Variants in NXPH1 observed in about 807,000 individuals in gnomAD.
NXPH1 encodes neurexophilin-1.
NXPH1 carries 5 observed loss-of-function variants against 23.7 expected under a neutral mutation model. The ratio of observed to expected loss-of-function variants is 0.21; its 90% CI spans 0.11 to 0.44. The LOEUF (loss-of-function observed/expected upper bound fraction) is 0.44, where lower values mean the gene tolerates loss of function less well. Ranked by LOEUF, NXPH1 falls within the 20% of genes least tolerant of loss-of-function variation. The pLI, the probability that NXPH1 is intolerant of heterozygous loss-of-function variation, is 0.99. For synonymous variants in NXPH1, 144 were observed against 122.2 expected (o/e 1.18, Z -1.18); for missense variants, 324 against 321.6 (o/e 1.01, Z -0.06).
intron 2 of NXPH1, among the ~76,000 whole-genome samples, chr7:8,471,836 T>C (rs1816877412): frequency 6.6e-6 from 1 of 152,108 alleles, no homozygotes; most frequent in Non-Finnish European, 1.5e-5. Context: ...TTAAATTCTT[T>C]TCATTTAAAA....
chr7:8,730,536 G>T (rs1405554116), intron 2 of NXPH1, among the ~76,000 whole-genome samples: 4 of 151,682 alleles, frequency 2.6e-5, no homozygotes, highest in African/African-American at 9.7e-5. Context: ...GGCAGGCCTG[G>T]TGGTGACAAA....
chr7:8,700,850 A>G (rs779405551), intron 2 of NXPH1, among the ~76,000 whole-genome samples: 53 of 152,072 alleles, frequency 3.5e-4, no homozygotes, highest in Non-Finnish European at 6.2e-4. Flanking sequence ...TCTGGGCTCA[A>G]TCTAGTCCAC....
At chr7:8,667,317 G>A (rs1170207922) in intron 2 of NXPH1, among the ~76,000 whole-genome samples, 1 of 151,610 alleles carries the variant, frequency 6.6e-6, no homozygotes, top group East Asian at 1.9e-4. Context: ...TTTTTTTTCA[G>A]CTTGAAGAAC....
intron 2 of NXPH1, among the ~76,000 whole-genome samples, chr7:8,704,534 T>C (rs547935584): frequency 2.0e-5 from 3 of 152,302 alleles, no homozygotes; most frequent in East Asian, 1.9e-4. Context: ...GATAGCTTCC[T>C]GAATTCACTG....
At chr7:8,498,416 T>G (rs1817374627) in intron 2 of NXPH1, among the ~76,000 whole-genome samples, 1 of 152,084 alleles carries the variant, frequency 6.6e-6, no homozygotes, top group Non-Finnish European at 1.5e-5. Context: ...ACTTAATGAC[T>G]ACTGGTTTAT....
chr7:8,514,983 C>G (rs538735531), intron 2 of NXPH1, among the ~76,000 whole-genome samples: 4 of 152,178 alleles, frequency 2.6e-5, no homozygotes, highest in Admixed American at 6.6e-5. Flanking sequence ...TACTTAGTGC[C>G]TTTTCTCCCT....
intron 2 of NXPH1, among the ~76,000 whole-genome samples, chr7:8,659,697 G>A (rs569173184): frequency 1.3e-5 from 2 of 152,252 alleles, no homozygotes; most frequent in South Asian, 2.1e-4. Flanking sequence ...AAACCTGCAC[G>A]TTGTGCACAT....
intron 2 of NXPH1, among the ~76,000 whole-genome samples, chr7:8,478,959 T>C (rs1817027455): frequency 6.6e-6 from 1 of 152,096 alleles, no homozygotes; most frequent in Non-Finnish European, 1.5e-5. Context: ...AATAATGTTG[T>C]TCCCTTGAGA....
intron 2 of NXPH1, among the ~76,000 whole-genome samples, chr7:8,502,210 A>G (rs1817448655): frequency 6.6e-6 from 1 of 152,040 alleles, no homozygotes; most frequent in Admixed American, 6.6e-5. Context: ...TGTTGTGAGT[A>G]TACATTTTTT....
At chr7:8,655,679 A>G (rs1820570471) in intron 2 of NXPH1, among the ~76,000 whole-genome samples, 1 of 152,244 alleles carries the variant, frequency 6.6e-6, no homozygotes, top group East Asian at 1.9e-4. Flanking sequence ...CTGCCCTTGT[A>G]TGGAAATATC....
At chr7:8,468,661 C>T (rs1440627153) in intron 2 of NXPH1, among the ~76,000 whole-genome samples, 2 of 152,014 alleles carry the variant, frequency 1.3e-5, no homozygotes, top group African/African-American at 4.8e-5. Flanking sequence ...CAAGATAATA[C>T]TGGCTTTGGA....
chr7:8,623,910 A>T (rs1276572978), intron 2 of NXPH1, among the ~76,000 whole-genome samples: 1 of 152,070 alleles, frequency 6.6e-6, no homozygotes, highest in Admixed American at 6.6e-5. Flanking sequence ...CTAGATCCAG[A>T]TATGGATCTA....
At chr7:8,672,286 A>G (rs1245866791) in intron 2 of NXPH1, among the ~76,000 whole-genome samples, 1 of 152,074 alleles carries the variant, frequency 6.6e-6, no homozygotes, top group Admixed American at 6.6e-5. Context: ...ATGAGAACAC[A>G]TGGACACTGG....
intron 2 of NXPH1, among the ~76,000 whole-genome samples, chr7:8,530,340 A>G (rs1817932129): frequency 2.0e-5 from 3 of 152,204 alleles, no homozygotes; most frequent in African/African-American, 7.2e-5. Flanking sequence ...GTGTTAGAAT[A>G]CAAAGAACAT....
chr7:8,567,830 T>C (rs1818572817), intron 2 of NXPH1, among the ~76,000 whole-genome samples: 1 of 151,880 alleles, frequency 6.6e-6, no homozygotes, highest in Non-Finnish European at 1.5e-5. Flanking sequence ...GCTCAAGGCA[T>C]GATTTCACTG....
chr7:8,641,150 C>A (rs544021086), intron 2 of NXPH1, among the ~76,000 whole-genome samples: 1 of 152,020 alleles, frequency 6.6e-6, no homozygotes, highest in Admixed American at 6.6e-5. Context: ...TTAACACTTT[C>A]AATAACATTT....
At chr7:8,440,408 A>G (rs1816277912) in intron 2 of NXPH1, among the ~76,000 whole-genome samples, 1 of 152,196 alleles carries the variant, frequency 6.6e-6, no homozygotes, top group Non-Finnish European at 1.5e-5. Flanking sequence ...CAACTTTCTC[A>G]GCGGTATTTT....
chr7:8,458,713 T>C (rs555577506), intron 2 of NXPH1, among the ~76,000 whole-genome samples: 2 of 152,260 alleles, frequency 1.3e-5, no homozygotes, highest in Middle Eastern at 3.4e-3. Flanking sequence ...AACTATTCAA[T>C]AGAGTTGTTG....
intron 2 of NXPH1, among the ~76,000 whole-genome samples, chr7:8,483,659 A>G (rs1817110915): frequency 6.6e-6 from 1 of 152,162 alleles, no homozygotes; most frequent in Non-Finnish European, 1.5e-5. Context: ...TGAGACATAT[A>G]AAAGAGCTGT....
Sources: gnomAD v4.1 joint callset for allele counts (sites outside exome capture counted in the v4.1 genomes callset) on GRCh38, gnomAD v4.1.1 for gene constraint, MANE v1.5 for transcripts, NCBI Gene and HGNC (gene_info 2026-07-23, HGNC 2026-07-21) for gene names.